The following STAMBP variants were observed in gnomAD, a reference collection of about 807,000 sequenced individuals.
The protein encoded by STAMBP is STAM-binding protein.
In STAMBP, 31 loss-of-function variants were observed where a neutral mutation model predicts 50.7. The ratio of observed to expected loss-of-function variants is 0.61; its 90% CI spans 0.46 to 0.83. STAMBP has a LOEUF of 0.83. Ranked by LOEUF, STAMBP falls within the 40% of genes least tolerant of loss-of-function variation. STAMBP has a pLI of 0.00. For synonymous variants in STAMBP, 211 were observed against 192.4 expected (o/e 1.10, Z -0.80); for missense variants, 472 against 518.9 (o/e 0.91, Z 0.88).
At position 73,831,045 on chromosome 2, in the gene STAMBP, T is replaced by C; in HGVS notation, c.189T>C (p.Tyr63=). The part of the protein sequence containing the change: ...EGNIEHAFIL[Y]NKYITLFIEK... ...ACATTGAACATGCCTTCATCCTCTA[T>C]AACAAGTATATCACGTAAGACACCT... Residue 63 remains tyrosine (Y), a synonymous_variant, in exon 2 of 10, where the codon TAT becomes TAC. Coordinates refer to ENST00000394070, the MANE Select transcript of STAMBP (RefSeq NM_213622.4). 1 of 1,614,084 alleles carries C rather than the reference T, an allele frequency of 6.2e-7. No homozygotes were observed. Among genetic ancestry groups the C allele is most frequent in the Non-Finnish European group, 8.5e-7 (1 of 1,179,884 alleles).
At chr2:73,856,866 T>A (rs1040288408) in intron 7 of STAMBP, among the ~76,000 whole-genome samples, 1 of 152,170 alleles carries the variant, frequency 6.6e-6, no homozygotes, top group Admixed American at 6.5e-5. Context: ...GAAGGAGGTC[T>A]CCAAGCCAGT....
chr2:73,858,014 GCT>G (rs1677780539), intron 7 of STAMBP, among the ~76,000 whole-genome samples: 1 of 150,888 alleles, frequency 6.6e-6, no homozygotes, highest in African/African-American at 2.4e-5. Context: ...ATGGAGTCTC[GCT>G]CTGTCACCCA....
chr2:73,859,627 G>A (rs928065055), intron 8 of STAMBP, among the ~76,000 whole-genome samples: 10 of 150,770 alleles, frequency 6.6e-5, no homozygotes, highest in Non-Finnish European at 1.2e-4. Context: ...GACTTGAAGC[G>A]ATAGGAATGT....
chr2:73,870,577 G>A (rs1459305802), downstream of STAMBP, among the ~76,000 whole-genome samples: 1 of 152,184 alleles, frequency 6.6e-6, no homozygotes, highest in Non-Finnish European at 1.5e-5. Flanking sequence ...AATGTAGGAT[G>A]TTTCTTGTGT....
At position 73,864,492 on chromosome 2, in the gene STAMBP, G is replaced by A. The variant is rs1678682884; in HGVS notation, c.*2233G>A. On this transcript the variant is annotated 3_prime_UTR_variant, in exon 10 of 10. Coordinates refer to ENST00000394070, the MANE Select transcript of STAMBP (RefSeq NM_213622.4). The stretch of plus-strand genomic sequence containing the variant: ...CATCTTACCTCTGTGGAGGAGACGT[G>A]GAATCAAGCCAGCCCACAAGCCCTG... The A allele has an allele frequency of 1.3e-5, 2 of 152,334 alleles. No individual in the cohort carries two copies. The highest frequency in any genetic ancestry group is 4.8e-5 in the African/African-American group (2 of 41,422). 9.4% of individuals were successfully genotyped at this position (152,334 alleles called of 1,614,324 possible). A position where few individuals can be genotyped will look rare whatever the true frequency, so the allele number is the denominator to read the frequency against.
downstream of STAMBP, among the ~76,000 whole-genome samples, chr2:73,868,733 A>G (rs1336947046): frequency 6.6e-6 from 1 of 151,846 alleles, no homozygotes. Flanking sequence ...AAAACTAGCC[A>G]GGCATTGGTG....
chr2:73,830,797 G>A lies in STAMBP; in HGVS notation c.-12-48G>A, dbSNP rs1673807568. The A allele has an allele frequency of 2.1e-6, 3 of 1,451,946 alleles. No homozygotes were observed. The South Asian group carries it at 3.5e-5, about 17-fold the overall frequency. 89.9% of individuals were successfully genotyped at this position (1,451,946 alleles called of 1,614,324 possible). On this transcript the variant is annotated intron_variant, in intron 1 of 9. Transcript: ENST00000394070. ...TGTGAGATAAACTGTAAAACTGCTG[G>A]GATGATGAGGGCAACGGTATTGATG...
intron 2 of STAMBP, among the ~76,000 whole-genome samples, chr2:73,841,362 TTTTG>T (rs1316420390): frequency 2.0e-5 from 3 of 152,202 alleles, no homozygotes; most frequent in South Asian, 2.1e-4. Context: ...TGCTCACATT[TTTTG>T]TTTATTAGTT....
downstream of STAMBP, among the ~76,000 whole-genome samples, chr2:73,869,339 T>C (rs1679102527): frequency 6.6e-6 from 1 of 152,066 alleles, no homozygotes; most frequent in African/African-American, 2.4e-5. Context: ...AAGCCTCATA[T>C]GAAGAAAACC....
chr2:73,848,910 T>G (rs1192329642), intron 5 of STAMBP, among the ~76,000 whole-genome samples: 1 of 152,176 alleles, frequency 6.6e-6, no homozygotes, highest in Non-Finnish European at 1.5e-5. Context: ...TTTTTTAAGT[T>G]TTTGTGGGTA....
At chr2:73,854,174 T>C (rs555727160) in intron 7 of STAMBP, among the ~76,000 whole-genome samples, 1 of 152,312 alleles carries the variant, frequency 6.6e-6, no homozygotes, top group Non-Finnish European at 1.5e-5. Context: ...CAAGACAAGA[T>C]TGAATGAACG....
intron 7 of STAMBP, among the ~76,000 whole-genome samples, chr2:73,851,240 A>G (rs1676766062): frequency 1.3e-5 from 2 of 152,178 alleles, no homozygotes; most frequent in Non-Finnish European, 2.9e-5. Flanking sequence ...CTTCTATTCA[A>G]TTACATTCAT....
In STAMBP at chr2:73,850,534, C is replaced by A; in HGVS notation, c.1005+21C>A. ...TTCATGTAAGCAATTCTGAGCTGTC[C>A]GAGAGTTAGTCTCTGCCTCTCCCAT... On this transcript the variant is annotated intron_variant, in intron 7 of 9. Transcript: ENST00000394070. The surrounding 1 kb of genome is among the most constrained non-coding windows in gnomAD (Gnocchi z 4.3). 1 of 1,604,148 alleles carries A rather than the reference C, an allele frequency of 6.2e-7. No homozygotes were observed.
intron 2 of STAMBP, among the ~76,000 whole-genome samples, chr2:73,836,561 C>T (rs549593669): frequency 6.6e-6 from 1 of 152,344 alleles, no homozygotes; most frequent in Admixed American, 6.5e-5. Context: ...AGCCCCAGCC[C>T]TGAGCAGGGG....
rs148238314 is a variant in STAMBP at position 73,849,564 on chromosome 2, G to A, written c.867+77G>A. On this transcript the variant is annotated intron_variant, in intron 6 of 9. Coordinates refer to ENST00000394070, the MANE Select transcript of STAMBP (RefSeq NM_213622.4). ...CCCTCTTGGCATCCTGTGACTCTCA[G>A]AGAAAATATCCAGGGTCAGTTACTC... is the stretch of plus-strand genomic sequence containing the variant. 3.3e-6 allele frequency: 5 copies of A among 1,509,080 alleles called. No individual in the cohort carries two copies. In the East Asian group the frequency reaches 1.1e-4, roughly 34 times the overall value. The allele number at this position is 1,509,080 out of a possible 1,614,324, so 93.5% of individuals were successfully genotyped here.
At chr2:73,834,224 A>T (rs1558557418) in intron 2 of STAMBP, among the ~76,000 whole-genome samples, 2 of 25,472 alleles carry the variant, frequency 7.9e-5, no homozygotes, top group African/African-American at 1.2e-4. Flanking sequence ...AAAAAAAAAA[A>T]AAAAAAAAAA....
chr2:73,841,206 G>C (rs1305352227), intron 2 of STAMBP, among the ~76,000 whole-genome samples: 1 of 152,116 alleles, frequency 6.6e-6, no homozygotes, highest in East Asian at 1.9e-4. Context: ...CCAGAGAACA[G>C]TATACATCTG....
In STAMBP at chr2:73,850,566, A is replaced by G; in HGVS notation, c.1005+53A>G. On this transcript the variant is annotated intron_variant, in intron 7 of 9. Transcript: ENST00000394070. This position sits in a 1 kb window ranked among gnomAD's most constrained non-coding sequence, Gnocchi z 4.3. ...TAGTCTCTGCCTCTCCCATGGTGGT[A>G]TAAATACATGAGTGTTTCTTTGAAC... is the stretch of plus-strand genomic sequence containing the variant. 1.3e-6 allele frequency: 2 copies of G among 1,561,040 alleles called. No individual in the cohort carries two copies. The highest frequency in any genetic ancestry group is 2.4e-5 in the South Asian group (2 of 82,544).
At chr2:73,841,952 T>G (rs1212582389) in intron 2 of STAMBP, among the ~76,000 whole-genome samples, 1 of 151,184 alleles carries the variant, frequency 6.6e-6, no homozygotes, top group Non-Finnish European at 1.5e-5. Context: ...GTCTGGGAGG[T>G]TTTTTTTGTT....
Sources: gnomAD v4.1 joint callset for allele counts (sites outside exome capture counted in the v4.1 genomes callset) on GRCh38, gnomAD v4.1.1 for gene constraint, Gnocchi (gnomAD v3.1) non-coding constraint, MANE v1.5 for transcripts, NCBI Gene and HGNC (gene_info 2026-07-23, HGNC 2026-07-21) for gene names.